SPATA7: variants seen among roughly 807,000 people sequenced by gnomAD.
SPATA7 encodes spermatogenesis-associated protein 7.
SPATA7 carries 43 observed loss-of-function variants against 51.8 expected under a neutral mutation model. The observed-to-expected ratio is 0.83, with a 90% CI of 0.65 to 1.07. The LOEUF is 1.07. Ranked by LOEUF, SPATA7 falls within the 50% of genes least tolerant of loss-of-function variation. The pLI is 0.00. For missense variants in SPATA7, 683 were observed against 701.3 expected (o/e 0.97, Z 0.30); for synonymous variants, 230 against 252.8 (o/e 0.91, Z 0.86).
Position 88,446,885 on chromosome 14 carries a change from A to G in SPATA7, c.178-8175A>G, listed in dbSNP as rs564073484. On this transcript the variant is annotated intron_variant, in intron 3 of 3. Transcript: ENST00000554802. ...AATTTCTGTTCTTTTACATTTGTTG[A>G]GGAGAGCTTTACTTCCAAGTATGTG... Among the ~76,000 whole-genome samples, 127 of 152,202 alleles carry G rather than the reference A, an allele frequency of 8.3e-4. 1 individual carries two copies. Among genetic ancestry groups the G allele is most frequent in the Middle Eastern group, 3.4e-3 (1 of 294 alleles).
chr14:88,450,444 G>T (rs2077242702), intron 3 of SPATA7, among the ~76,000 whole-genome samples: 1 of 151,986 alleles, frequency 6.6e-6, no homozygotes, highest in South Asian at 2.1e-4. Context: ...TGATGATTTT[G>T]AGGATTTAAG....
At chr14:88,470,278 A>C (rs1227795273) in exon 5 of SPATA7, 1 of 541,296 alleles carries the variant, frequency 1.8e-6, no homozygotes, top group East Asian at 3.2e-5. Context: ...AATATACATA[A>C]TATCTATGCA....
chr14:88,455,184 G>A, exon 4 of SPATA7: 1 of 433,036 alleles, frequency 2.3e-6, no homozygotes, highest in South Asian at 1.6e-5. Flanking sequence ...AGCCCACTGT[G>A]AAATTGATAG....
intron 5 of SPATA7, among the ~76,000 whole-genome samples, chr14:88,425,416 A>G (rs1275260550): frequency 6.6e-6 from 1 of 152,138 alleles, no homozygotes; most frequent in Non-Finnish European, 1.5e-5. Context: ...AATTTCTGTA[A>G]CCTCCATGTA....
chr14:88,469,963 C>G lies in SPATA7; in HGVS notation c.*96C>G. On this transcript the variant is annotated 3_prime_UTR_variant, in exon 5 of 5. Transcript: ENST00000556406. This position sits in a 1 kb window ranked among gnomAD's most constrained non-coding sequence, Gnocchi z 4.3. ...ATTGCTATAATTGCAATTCCCTGTTCCCATACCATCTGCCAAAAATCTTGA... is the reference window on the plus strand; with the variant it reads ...ATTGCTATAATTGCAATTCCCTGTTGCCATACCATCTGCCAAAAATCTTGA... 6.2e-7 allele frequency: 1 copy of G among 1,614,056 alleles called. No homozygotes were observed. Among genetic ancestry groups the G allele is most frequent in the Non-Finnish European group, 8.5e-7 (1 of 1,179,990 alleles).
chr14:88,454,311 A>C (rs866657127), intron 3 of SPATA7, among the ~76,000 whole-genome samples: 3 of 152,220 alleles, frequency 2.0e-5, no homozygotes, highest in Middle Eastern at 3.4e-3. Context: ...AAATCTCTTT[A>C]CTAAAGACCC....
rs1160792817 is a variant in SPATA7, at chr14:88,409,190, C to A, written c.239-7521C>A. Among the ~76,000 whole-genome samples, 4 of 152,130 alleles carry A rather than the reference C, an allele frequency of 2.6e-5. No individual in the cohort carries two copies. The East Asian group carries it at 7.7e-4, about 29-fold the overall frequency. Reference sequence around the variant, plus strand: ...GGAATGGTACCAGCTCCTCTTTGTACCTATAGAGGAATTAGACTGTGAATC... The same window carrying A: ...GGAATGGTACCAGCTCCTCTTTGTAACTATAGAGGAATTAGACTGTGAATC... On this transcript the variant is annotated intron_variant, in intron 4 of 11. Coordinates refer to ENST00000393545, the MANE Select transcript of SPATA7 (RefSeq NM_018418.5).
rs773157948 is a variant in SPATA7, at chr14:88,426,650, G to C, written c.791G>C (p.Arg264Thr). ...SQYRYYTPAK[R>T]KKDFTDQRIE... ...TATCGCTATTATACACCTGCCAAAA[G>C]AAAAAAGGATTTTACAGATCAACGG... The change falls in exon 6 of 12, where the codon AGA (arginine) becomes ACA (threonine). Residue 264 changes from arginine to threonine, a missense_variant. Transcript: ENST00000393545. 1 of 1,613,138 alleles carries C rather than the reference G, an allele frequency of 6.2e-7. No homozygotes were observed. The highest frequency in any genetic ancestry group is 2.2e-5 in the East Asian group (1 of 44,868).
intron 3 of SPATA7, among the ~76,000 whole-genome samples, chr14:88,451,122 C>T (rs2077247454): frequency 6.6e-6 from 1 of 152,076 alleles, no homozygotes; most frequent in African/African-American, 2.4e-5. Context: ...TTGCATTTTG[C>T]ATTTCTCTAA....
Position 88,469,914 on chromosome 14 carries a change from G to C in SPATA7, c.*47G>C. 6.2e-7 allele frequency: 1 copy of C among 1,613,880 alleles called. No homozygotes were observed. Among genetic ancestry groups the C allele is most frequent in the Non-Finnish European group, 8.5e-7 (1 of 1,179,984 alleles). On this transcript the variant is annotated 3_prime_UTR_variant, in exon 5 of 5. Transcript: ENST00000556406. This position sits in a 1 kb window ranked among gnomAD's most constrained non-coding sequence, Gnocchi z 4.3. ...TGAGAAAATCACTTAAGAGAAATAA[G>C]TACCTACCTCTTCTGCTGTCACCAT...
downstream of SPATA7, among the ~76,000 whole-genome samples, chr14:88,459,481 C>G (rs1480475178): frequency 6.6e-6 from 1 of 151,752 alleles, no homozygotes; most frequent in Non-Finnish European, 1.5e-5. Flanking sequence ...ATGTAATGGC[C>G]TTGTCTCTTT....
At chr14:88,395,303 T>C (rs1330175772) in intron 3 of SPATA7, among the ~76,000 whole-genome samples, 2 of 152,106 alleles carry the variant, frequency 1.3e-5, no homozygotes, top group Non-Finnish European at 2.9e-5. Flanking sequence ...TTTTATTTTC[T>C]CATTTAAATA....
chr14:88,420,410 G>C (rs1337810798), intron 5 of SPATA7, among the ~76,000 whole-genome samples: 1 of 152,214 alleles, frequency 6.6e-6, no homozygotes, highest in Non-Finnish European at 1.5e-5. Context: ...TTTCAGGTTA[G>C]TTGTTTGCTC....
intron 4 of SPATA7, among the ~76,000 whole-genome samples, chr14:88,461,084 G>T (rs963985647): frequency 6.6e-6 from 1 of 152,192 alleles, no homozygotes; most frequent in Non-Finnish European, 1.5e-5. Flanking sequence ...CATCTCAGAG[G>T]GGCACCTGGC....
exon 5 of SPATA7, chr14:88,470,184 C>T (rs1329020244): frequency 2.6e-6 from 2 of 761,012 alleles, no homozygotes; most frequent in Admixed American, 2.9e-5. Context: ...CTGGATTATT[C>T]AGCAGAATAA....
rs558017535 is a variant in SPATA7, at chr14:88,393,568, A to G, written c.190+80A>G. 331 of 996,064 alleles carry G rather than the reference A, an allele frequency of 3.3e-4. 5 individuals are homozygous for G. In the South Asian group the frequency reaches 4.3e-3, roughly 13 times the overall value. 61.7% of individuals were successfully genotyped at this position (996,064 alleles called of 1,614,324 possible). ...TTCTCATTAAAATATATCTATAGCA[A>G]AAATGAATACCTTATATATATGAGA... On this transcript the variant is annotated intron_variant, in intron 3 of 11. Coordinates refer to ENST00000393545, the MANE Select transcript of SPATA7 (RefSeq NM_018418.5).
intron 10 of SPATA7, among the ~76,000 whole-genome samples, chr14:88,436,495 G>T (rs1469681789): frequency 2.0e-5 from 3 of 152,080 alleles, no homozygotes; most frequent in African/African-American, 7.2e-5. Context: ...AGAAGTCTTT[G>T]CCAGACCAGT....
At chr14:88,435,093 TATC>T (rs2077049093) in intron 10 of SPATA7, among the ~76,000 whole-genome samples, 1 of 152,288 alleles carries the variant, frequency 6.6e-6, no homozygotes, top group East Asian at 1.9e-4. Flanking sequence ...GAGAGGAAAT[TATC>T]ATCTTAGAGA....
chr14:88,446,969 G>T (rs1272908026), intron 3 of SPATA7, among the ~76,000 whole-genome samples: 1 of 152,150 alleles, frequency 6.6e-6, no homozygotes, highest in Non-Finnish European at 1.5e-5. Flanking sequence ...TGTTGATTTG[G>T]GGTGAAGAGT....
Sources: allele counts gnomAD v4.1 joint callset (sites outside exome capture counted in the v4.1 genomes callset), GRCh38; gene constraint gnomAD v4.1.1; non-coding constraint Gnocchi (gnomAD v3.1); transcripts MANE v1.5; gene names NCBI Gene and HGNC (gene_info 2026-07-23, HGNC 2026-07-21).